Variants in KHDRBS2 observed in about 807,000 individuals in gnomAD.
The protein encoded by KHDRBS2 is KH domain-containing, RNA-binding, signal transduction-associated protein 2.
KHDRBS2 carries 26 observed loss-of-function variants against 44.3 expected under a neutral mutation model. The ratio of observed to expected loss-of-function variants is 0.59; its 90% CI spans 0.43 to 0.81. The LOEUF (loss-of-function observed/expected upper bound fraction) is 0.81. Ranked by LOEUF, KHDRBS2 falls within the 40% of genes least tolerant of loss-of-function variation. The pLI, the probability that KHDRBS2 is intolerant of heterozygous loss-of-function variation, is 0.00. For missense variants in KHDRBS2, 476 were observed against 433.1 expected (o/e 1.10, Z -0.88); for synonymous variants, 194 against 151.1 (o/e 1.28, Z -2.08).
intron 6 of KHDRBS2, among the ~76,000 whole-genome samples, chr6:61,848,568 T>TATATAC (rs1278009527): frequency 5.5e-5 from 4 of 72,430 alleles, no homozygotes; most frequent in African/African-American, 1.7e-4. Flanking sequence ...TATATGTATA[T>TATATAC]ATATATACAT....
intron 3 of KHDRBS2, among the ~76,000 whole-genome samples, chr6:62,032,799 C>G (rs1784595157): frequency 2.0e-5 from 3 of 151,684 alleles, no homozygotes; most frequent in South Asian, 4.2e-4. Context: ...TCTTCAATGC[C>G]CAGACACCAA....
chr6:61,599,509 G>A, the KHDRBS2 span, among the ~76,000 whole-genome samples: 1 of 152,118 alleles, frequency 6.6e-6, no homozygotes, highest in Non-Finnish European at 1.5e-5. Context: ...AATAAGCTAA[G>A]ATAGTGAAAC....
At chr6:62,171,391 AAG>A (rs1819971862) in intron 2 of KHDRBS2, among the ~76,000 whole-genome samples, 1 of 152,146 alleles carries the variant, frequency 6.6e-6, no homozygotes, top group Non-Finnish European at 1.5e-5. Flanking sequence ...TTAAAAAAAA[AAG>A]AATAAACAAA....
intron 3 of KHDRBS2, among the ~76,000 whole-genome samples, chr6:61,980,641 CT>C (rs1238952761): frequency 6.6e-6 from 1 of 152,094 alleles, no homozygotes; most frequent in Non-Finnish European, 1.5e-5. Flanking sequence ...ACAAAAGTTA[CT>C]TAGGAGTCCA....
intron 6 of KHDRBS2, among the ~76,000 whole-genome samples, chr6:61,806,197 G>A (rs1181744109): frequency 1.3e-5 from 2 of 152,094 alleles, no homozygotes; most frequent in Non-Finnish European, 2.9e-5. Flanking sequence ...AGCTGGAAAT[G>A]ACATTGAAAG....
the KHDRBS2 span, among the ~76,000 whole-genome samples, chr6:61,568,852 G>T: frequency 7.8e-4 from 119 of 152,220 alleles, 1 homozygote; most frequent in Non-Finnish European, 7.3e-5. Flanking sequence ...AAGGGGGTCA[G>T]AGGGCAAAAG....
chr6:61,808,101 A>G (rs957120102), intron 6 of KHDRBS2, among the ~76,000 whole-genome samples: 10 of 152,114 alleles, frequency 6.6e-5, no homozygotes, highest in African/African-American at 2.2e-4. Context: ...CCACTGGCAA[A>G]CCTATTTACT....
At chr6:61,922,012 C>G (rs745980690) in intron 4 of KHDRBS2, among the ~76,000 whole-genome samples, 2 of 151,740 alleles carry the variant, frequency 1.3e-5, no homozygotes, top group Admixed American at 6.6e-5. Flanking sequence ...ACATCCATAT[C>G]GTTAAAAAAT....
At chr6:62,283,508 C>T (rs1842078670) in intron 1 of KHDRBS2, among the ~76,000 whole-genome samples, 1 of 152,096 alleles carries the variant, frequency 6.6e-6, no homozygotes, top group African/African-American at 2.4e-5. Flanking sequence ...ATTTTTACTA[C>T]TCACTCAGGC....
the KHDRBS2 span, among the ~76,000 whole-genome samples, chr6:61,647,537 C>T: frequency 1.3e-5 from 2 of 152,046 alleles, no homozygotes; most frequent in South Asian, 2.1e-4. Context: ...AGTTGTGATG[C>T]ACAGGATTAA....
intron 2 of KHDRBS2, among the ~76,000 whole-genome samples, chr6:62,162,172 A>G (rs1490886531): frequency 6.6e-6 from 1 of 152,018 alleles, no homozygotes; most frequent in Non-Finnish European, 1.5e-5. Flanking sequence ...TACCTTTATT[A>G]AGATCTTTAT....
At chr6:62,169,218 T>TACGTATATATAC (rs1819494704) in intron 2 of KHDRBS2, among the ~76,000 whole-genome samples, 1 of 148,220 alleles carries the variant, frequency 6.7e-6, no homozygotes, top group African/African-American at 2.5e-5. Flanking sequence ...TATGTATATA[T>TACGTATATATAC]ACACACACAC....
chr6:61,607,547 A>AAAAAAAAAAAG, the KHDRBS2 span, among the ~76,000 whole-genome samples: 4 of 140,216 alleles, frequency 2.9e-5, no homozygotes, highest in Non-Finnish European at 6.2e-5. Context: ...AAAAAAAAAG[A>AAAAAAAAAAAG]TGTGTGAGAA....
chr6:61,546,341 G>A, the KHDRBS2 span, among the ~76,000 whole-genome samples: 13 of 151,892 alleles, frequency 8.6e-5, no homozygotes, highest in Non-Finnish European at 1.9e-4. Flanking sequence ...TATAACCACA[G>A]GTTATTGTGC....
intron 6 of KHDRBS2, among the ~76,000 whole-genome samples, chr6:61,812,241 C>A (rs551084934): frequency 2.0e-5 from 3 of 151,866 alleles, no homozygotes; most frequent in African/African-American, 4.8e-5. Context: ...TTTAAAATAA[C>A]CCATGTGATT....
At chr6:61,996,875 C>G (rs1371476228) in intron 3 of KHDRBS2, among the ~76,000 whole-genome samples, 1 of 151,188 alleles carries the variant, frequency 6.6e-6, no homozygotes, top group African/African-American at 2.4e-5. Flanking sequence ...CCTCTGCGCC[C>G]GAGTTTAAGC....
chr6:61,907,358 C>T (rs1262706648), intron 4 of KHDRBS2, among the ~76,000 whole-genome samples: 1 of 151,944 alleles, frequency 6.6e-6, no homozygotes, highest in Non-Finnish European at 1.5e-5. Context: ...TGTGTATTGT[C>T]TCTTCACTTT....
intron 1 of KHDRBS2, among the ~76,000 whole-genome samples, chr6:62,259,753 G>A (rs1198843474): frequency 6.6e-6 from 1 of 151,700 alleles, no homozygotes; most frequent in East Asian, 1.9e-4. Flanking sequence ...CCACTCCAAG[G>A]CAATTTTTTA....
intron 4 of KHDRBS2, among the ~76,000 whole-genome samples, chr6:61,962,450 T>C (rs1013899428): frequency 6.6e-6 from 1 of 152,102 alleles, no homozygotes; most frequent in Non-Finnish European, 1.5e-5. Context: ...GGCTGCACAC[T>C]CTAAGTGATT....
Sources: allele counts gnomAD v4.1 joint callset (sites outside exome capture counted in the v4.1 genomes callset), GRCh38; gene constraint gnomAD v4.1.1; transcripts MANE v1.5; gene names NCBI Gene and HGNC (gene_info 2026-07-23, HGNC 2026-07-21).